EML2: variants seen among roughly 807,000 people sequenced by gnomAD.
The protein encoded by EML2 is EMAP like 2, also known as echinoderm microtubule-associated protein-like 2.
In EML2, 59 loss-of-function variants were observed where a neutral mutation model predicts 84.7. The observed-to-expected ratio is 0.70, with a 90% CI of 0.56 to 0.86. The LOEUF (loss-of-function observed/expected upper bound fraction) is 0.86. EML2 is among the 40% of genes least tolerant of loss of function. The probability of loss-of-function intolerance (pLI) is 0.00; values close to 1 mark genes in which losing one functional copy is unlikely to be tolerated. For synonymous variants in EML2, 352 were observed against 348.9 expected (o/e 1.01, Z -0.10); for missense variants, 818 against 855.6 (o/e 0.96, Z 0.55).
intron 7 of EML2, among the ~76,000 whole-genome samples, chr19:45,627,804 G>A (rs918265351): frequency 4.7e-4 from 71 of 152,292 alleles, no homozygotes; most frequent in African/African-American, 1.5e-3. Flanking sequence ...GTTCACGCCT[G>A]TAATCCCAGC....
upstream of EML2, chr19:45,639,515 G>C (rs1037263396): frequency 2.3e-6 from 2 of 869,872 alleles, no homozygotes; most frequent in African/African-American, 3.5e-5. Flanking sequence ...GTCCCACCGG[G>C]TCACACATCC....
chr19:45,619,023 G>T, intron 12 of EML2, 37 bp downstream of exon 12: 1 of 1,566,202 alleles, frequency 6.4e-7, no homozygotes, highest in Non-Finnish European at 8.7e-7. Context: ...AGGTAGTTCT[G>T]TTAGAATGGT....
At chr19:45,621,122 G>A (rs1318653649) in intron 11 of EML2, 85 bp downstream of exon 11, 3 of 1,538,220 alleles carry the variant, frequency 2.0e-6, no homozygotes, top group Non-Finnish European at 1.8e-6. Context: ...AGGAGAACTG[G>A]GAGTGGGGAG....
chr19:45,643,253 A>T (rs1974749549), upstream of EML2, among the ~76,000 whole-genome samples: 1 of 152,054 alleles, frequency 6.6e-6, no homozygotes, highest in Non-Finnish European at 1.5e-5. Flanking sequence ...CTGGGGTTCG[A>T]CCCTAGAGCC....
chr19:45,616,615 C>G lies in EML2; in HGVS notation c.1412-57G>C. 43 of 1,461,032 alleles carry G rather than the reference C, an allele frequency of 2.9e-5. No homozygotes were observed. The South Asian group carries it at 4.9e-4, about 17-fold the overall frequency. The allele number at this position is 1,461,032 out of a possible 1,614,324, so 90.5% of individuals were successfully genotyped here. A position where few individuals can be genotyped will look rare whatever the true frequency, so the allele number is the denominator to read the frequency against. ...CACCCAGGCTCCATCCCCTCCTCGC[C>G]CAGACTCAGCCCCCTCAACAGTCCC... On this transcript the variant is annotated intron_variant, in intron 14 of 18. Coordinates refer to ENST00000245925, the MANE Select transcript of EML2 (RefSeq NM_012155.4).
At chr19:45,614,117 GTC>G in intron 17 of EML2, among the ~76,000 whole-genome samples, 1 of 152,280 alleles carries the variant, frequency 6.6e-6, no homozygotes, top group African/African-American at 2.4e-5. Context: ...TAGCTCAGAT[GTC>G]TCTTCCTCCA....
upstream of EML2, among the ~76,000 whole-genome samples, chr19:45,639,588 T>C (rs1007421880): frequency 6.6e-6 from 1 of 152,056 alleles, no homozygotes; most frequent in Non-Finnish European, 1.5e-5. Context: ...GTTGAGAACA[T>C]GGACTCGGGA....
chr19:45,629,273 G>A (rs1421789282), intron 7 of EML2, among the ~76,000 whole-genome samples: 4 of 151,686 alleles, frequency 2.6e-5, no homozygotes, highest in Non-Finnish European at 5.9e-5. Flanking sequence ...GGGACTATGG[G>A]TGCACACCAC....
chr19:45,626,841 T>C lies in EML2; in HGVS notation c.607-2A>G, dbSNP rs751799692. On this transcript the variant is annotated splice_acceptor_variant, in intron 7 of 18. Coordinates refer to ENST00000245925, the MANE Select transcript of EML2 (RefSeq NM_012155.4). LOFTEE classifies it high-confidence loss of function. ...CACCAATACAGCCTCATTGGAGCAC[T>C]TTGGGGGGTGGGGGAGATTCTGAAT... 1 of 1,609,546 alleles carries C rather than the reference T, an allele frequency of 6.2e-7. No homozygotes were observed. The highest frequency in any genetic ancestry group is 2.2e-5 in the East Asian group (1 of 44,784).
In EML2 at chr19:45,626,722, G is replaced by A. The variant is rs773177974; in HGVS notation, c.724C>T (p.Arg242Trp). 26 of 1,613,416 alleles carry A rather than the reference G, an allele frequency of 1.6e-5. No homozygotes were observed. Among genetic ancestry groups the A allele is most frequent in the South Asian group, 2.2e-5 (2 of 91,006 alleles). ...WTLEGGSLSKRQGLFEKHEKP... is the reference protein window; with the variant it reads ...WTLEGGSLSKWQGLFEKHEKP... ...GCACTCACCTCAAAGAGGCCTTGCC[G>A]CTTGCTCAAGCTGCCCCCCTCCAAG... Residue 242 changes from arginine to tryptophan, a missense_variant, in exon 8 of 19, where the codon CGG (arginine) becomes TGG (tryptophan). Coordinates refer to ENST00000245925, the MANE Select transcript of EML2 (RefSeq NM_012155.4).
At chr19:45,631,060 T>C (rs1972969461) in intron 6 of EML2, among the ~76,000 whole-genome samples, 2 of 152,168 alleles carry the variant, frequency 1.3e-5, no homozygotes, top group Non-Finnish European at 2.9e-5. Context: ...TTGGCCAAGC[T>C]GGTCTTGAAC....
Position 45,616,256 on chromosome 19 carries a change from T to C in EML2, c.1509+205A>G, listed in dbSNP as rs1452340019. On this transcript the variant is annotated intron_variant, in intron 15 of 18. Transcript: ENST00000245925. ...GAGGGGCGGGGCTACACAGATGGGC[T>C]TAGCACGTGGGGGCGGGGCTACACA... 4.7e-5 allele frequency: 27 copies of C among 569,390 alleles called. 1 individual carries two copies. In the South Asian group the frequency reaches 5.9e-4, roughly 12 times the overall value. The allele number at this position is 569,390 out of a possible 1,614,324, so 35.3% of individuals were successfully genotyped here. A position where few individuals can be genotyped will look rare whatever the true frequency, so the allele number is the denominator to read the frequency against.
intron 3 of EML2, among the ~76,000 whole-genome samples, chr19:45,636,024 G>A (rs1411490408): frequency 6.6e-6 from 1 of 152,134 alleles, no homozygotes; most frequent in Non-Finnish European, 1.5e-5. Context: ...CCGATCACAA[G>A]TGTCCTTATA....
chr19:45,627,256 C>G (rs1478656117), intron 7 of EML2, among the ~76,000 whole-genome samples: 4 of 135,624 alleles, frequency 2.9e-5, no homozygotes, highest in Non-Finnish European at 6.4e-5. Context: ...TGCGCCCGGC[C>G]TTTTTTTTTT....
At chr19:45,641,642 C>G (rs564196968), upstream of EML2, 1 of 1,536,016 alleles carries the variant, frequency 6.5e-7, no homozygotes, top group African/African-American at 1.4e-5. Context: ...AGTCCTTACC[C>G]TTCCTTTTTG....
intron 13 of EML2, 110 bp from the exon 14 acceptor site, chr19:45,616,963 G>C: frequency 1.2e-6 from 1 of 803,220 alleles, no homozygotes; most frequent in African/African-American, 1.7e-5. Context: ...GAAGTGACCT[G>C]GGCTGGGCAC....
chr19:45,616,385 T>C (rs1971072337), intron 15 of EML2, 76 bp downstream of exon 15: 1 of 1,146,414 alleles, frequency 8.7e-7, no homozygotes, highest in Non-Finnish European at 1.3e-6. Flanking sequence ...CTGCGCTCCC[T>C]TGAGGTAGAA....
intron 3 of EML2, 78 bp from the exon 4 acceptor site, chr19:45,634,549 A>T: frequency 9.0e-7 from 1 of 1,105,382 alleles, no homozygotes; most frequent in Non-Finnish European, 1.2e-6. Context: ...TTATTTATTT[A>T]TTTTTAATTT....
At chr19:45,639,016 A>G in intron 1 of EML2, 143 bp from the exon 2 acceptor site, 1 of 984,512 alleles carries the variant, frequency 1.0e-6, no homozygotes, top group Non-Finnish European at 1.6e-6. Flanking sequence ...GCCTCTCTGC[A>G]GGCCGTGTGC....
Sources: allele counts gnomAD v4.1 joint callset (sites outside exome capture counted in the v4.1 genomes callset), GRCh38; gene constraint gnomAD v4.1.1; transcripts MANE v1.5; gene names NCBI Gene and HGNC (gene_info 2026-07-23, HGNC 2026-07-21).